The following COL25A1 variants were observed in gnomAD, a reference collection of about 807,000 sequenced individuals.
COL25A1 encodes collagen alpha-1(XXV) chain.
Under a neutral mutation model 128.4 loss-of-function variants are expected in COL25A1, and 103 were observed. The observed-to-expected ratio is 0.80, with a 90% CI of 0.68 to 0.94. COL25A1 has a LOEUF of 0.94. COL25A1 is among the 40% of genes least tolerant of loss of function. The pLI, the probability that COL25A1 is intolerant of heterozygous loss-of-function variation, is 0.00. For synonymous variants in COL25A1, 279 were observed against 277.2 expected (o/e 1.01, Z -0.06); for missense variants, 745 against 840.0 (o/e 0.89, Z 1.40).
intron 18 of COL25A1, among the ~76,000 whole-genome samples, chr4:108,888,645 G>C (rs1047767876): frequency 6.6e-6 from 1 of 152,114 alleles, no homozygotes; most frequent in Non-Finnish European, 1.5e-5. Flanking sequence ...CCATAAAATG[G>C]TATGGCTATA....
chr4:108,910,499 C>T (rs1744079474), intron 13 of COL25A1, among the ~76,000 whole-genome samples: 1 of 152,162 alleles, frequency 6.6e-6, no homozygotes, highest in Non-Finnish European at 1.5e-5. Flanking sequence ...ATTATAATCC[C>T]TATTTGAAAA....
intron 3 of COL25A1, among the ~76,000 whole-genome samples, chr4:109,272,342 G>A (rs2126266128): frequency 6.6e-6 from 1 of 152,280 alleles, no homozygotes; most frequent in Non-Finnish European, 1.5e-5. Context: ...CTGTGTAAAT[G>A]AACTGCCACT....
intron 3 of COL25A1, among the ~76,000 whole-genome samples, chr4:109,251,491 CCTT>C (rs1267274608): frequency 1.3e-5 from 2 of 152,194 alleles, no homozygotes; most frequent in African/African-American, 4.8e-5. Context: ...ACACACTCCT[CCTT>C]ACCTTCGTGG....
chr4:109,043,478 C>T (rs1214706780), intron 5 of COL25A1, among the ~76,000 whole-genome samples: 1 of 151,936 alleles, frequency 6.6e-6, no homozygotes, highest in Non-Finnish European at 1.5e-5. Flanking sequence ...ACAACAGAGT[C>T]GTATTTCACA....
At chr4:109,153,774 A>C (rs969343189) in intron 3 of COL25A1, among the ~76,000 whole-genome samples, 7 of 152,230 alleles carry the variant, frequency 4.6e-5, no homozygotes, top group Non-Finnish European at 1.0e-4. Context: ...GGAACTTACC[A>C]AAAAATAAGA....
chr4:109,053,452 G>C (rs972590312), intron 3 of COL25A1, among the ~76,000 whole-genome samples: 6 of 152,122 alleles, frequency 3.9e-5, no homozygotes, highest in Non-Finnish European at 7.4e-5. Flanking sequence ...ACTTGAAAAG[G>C]CTCTTCTCTA....
At chr4:109,172,786 ACTC>A (rs1352685627) in intron 3 of COL25A1, among the ~76,000 whole-genome samples, 1 of 151,964 alleles carries the variant, frequency 6.6e-6, no homozygotes, top group Non-Finnish European at 1.5e-5. Flanking sequence ...TAAAACAGCC[ACTC>A]CTCCTTCTGT....
chr4:109,290,128 C>G (rs1164805893), intron 3 of COL25A1, among the ~76,000 whole-genome samples: 1 of 151,892 alleles, frequency 6.6e-6, no homozygotes, highest in East Asian at 1.9e-4. Flanking sequence ...GTTTTCTGCT[C>G]AAAAAGATGA....
At chr4:108,976,105 T>C (rs1752411678) in intron 6 of COL25A1, among the ~76,000 whole-genome samples, 1 of 152,210 alleles carries the variant, frequency 6.6e-6, no homozygotes, top group South Asian at 2.1e-4. Context: ...TCCCTTTTTA[T>C]ATTCCACTTA....
At chr4:109,269,248 C>T (rs1477934192) in intron 3 of COL25A1, among the ~76,000 whole-genome samples, 1 of 151,384 alleles carries the variant, frequency 6.6e-6, no homozygotes, top group Non-Finnish European at 1.5e-5. Context: ...CATGTCCCTA[C>T]AAAGGACATG....
intron 3 of COL25A1, among the ~76,000 whole-genome samples, chr4:109,195,457 G>A (rs1775960538): frequency 6.6e-6 from 1 of 152,138 alleles, no homozygotes; most frequent in African/African-American, 2.4e-5. Flanking sequence ...TAATAGACGT[G>A]AATAGGCACT....
At chr4:109,216,682 G>C (rs1264051461) in intron 3 of COL25A1, among the ~76,000 whole-genome samples, 1 of 152,138 alleles carries the variant, frequency 6.6e-6, no homozygotes, top group Admixed American at 6.6e-5. Context: ...CCCTCCTCTA[G>C]AGGCTTCAGA....
At chr4:108,952,299 C>A (rs1749526338) in intron 8 of COL25A1, among the ~76,000 whole-genome samples, 1 of 151,722 alleles carries the variant, frequency 6.6e-6, no homozygotes, top group Non-Finnish European at 1.5e-5. Context: ...TAATTAGAAT[C>A]TGTTTTGCAA....
chr4:109,143,113 A>G (rs1362693713), intron 3 of COL25A1, among the ~76,000 whole-genome samples: 1 of 152,204 alleles, frequency 6.6e-6, no homozygotes, highest in African/African-American at 2.4e-5. Context: ...GGTAGTGTCA[A>G]AATCTCAGCA....
chr4:109,244,016 G>T (rs902046545), intron 3 of COL25A1, among the ~76,000 whole-genome samples: 1 of 151,572 alleles, frequency 6.6e-6, no homozygotes, highest in African/African-American at 2.4e-5. Context: ...CTACATAGAG[G>T]ATTCTCAGAC....
chr4:108,896,552 G>A, intron 16 of COL25A1, 115 bp downstream of exon 16: 1 of 801,558 alleles, frequency 1.2e-6, no homozygotes, highest in South Asian at 1.6e-5. Context: ...AATGATCTCT[G>A]ACCTTTTCAT....
At chr4:108,823,938 C>A in intron 35 of COL25A1, 1 of 1,409,338 alleles carries the variant, frequency 7.1e-7, no homozygotes. Context: ...AAAACTGTAG[C>A]TAGAATATCT....
chr4:109,050,253 T>G, intron 3 of COL25A1, 74 bp from the exon 4 acceptor site: 1 of 1,110,274 alleles, frequency 9.0e-7, no homozygotes, highest in East Asian at 2.5e-5. Flanking sequence ...AGTAAATAAT[T>G]TATATATATT....
chr4:108,813,851 G>T lies in COL25A1; in HGVS notation c.*76C>A. 1.8e-6 allele frequency: 2 copies of T among 1,135,904 alleles called. No individual in the cohort carries two copies. The highest frequency in any genetic ancestry group is 1.3e-5 in the South Asian group (1 of 74,688). 70.4% of individuals were successfully genotyped at this position (1,135,904 alleles called of 1,614,324 possible). On this transcript the variant is annotated 3_prime_UTR_variant, in exon 38 of 38. Coordinates refer to ENST00000399132, the MANE Select transcript of COL25A1 (RefSeq NM_198721.4). Reference sequence around the variant, plus strand: ...AACATATCTCAGACTTGTAAAATCTGCAATTCAGTTTTCAACTATAAATAT... The same window carrying T: ...AACATATCTCAGACTTGTAAAATCTTCAATTCAGTTTTCAACTATAAATAT...
Sources: allele counts gnomAD v4.1 joint callset (sites outside exome capture counted in the v4.1 genomes callset), GRCh38; gene constraint gnomAD v4.1.1; transcripts MANE v1.5; gene names NCBI Gene and HGNC (gene_info 2026-07-23, HGNC 2026-07-21).